SLC12A1: variants seen among roughly 807,000 people sequenced by gnomAD.
SLC12A1 encodes the protein Na-K-2Cl cotransporter.
In SLC12A1, 89 loss-of-function variants were observed where a neutral mutation model predicts 130.4. That is an observed-to-expected ratio of 0.68 (90% CI 0.58 to 0.81). The LOEUF is 0.81. Among genes scored for constraint, SLC12A1 ranks in the 40% least tolerant of loss-of-function variants. The pLI, the probability that SLC12A1 is intolerant of heterozygous loss-of-function variation, is 0.00. For missense variants in SLC12A1, 1,310 were observed against 1,336.4 expected, an observed-to-expected ratio of 0.98 and a Z score of 0.31; for synonymous variants, 499 against 460.0, an observed-to-expected ratio of 1.08 and a Z score of -1.09.
chr15:48,235,688 C>T (rs2041431811), intron 9 of SLC12A1, among the ~76,000 whole-genome samples: 1 of 151,768 alleles, frequency 6.6e-6, no homozygotes, highest in South Asian at 2.1e-4. Flanking sequence ...CTTGATAAGT[C>T]TTGATATACT....
intron 15 of SLC12A1, among the ~76,000 whole-genome samples, chr15:48,254,438 T>C (rs944211185): frequency 2.0e-5 from 3 of 151,832 alleles, no homozygotes; most frequent in African/African-American, 7.3e-5. Flanking sequence ...TGATCTTCTT[T>C]ATCTCCAGAT....
chr15:48,255,840 C>T lies in SLC12A1; in HGVS notation c.1972C>T (p.Leu658Phe), dbSNP rs1269306303. 1 of 1,608,386 alleles carries T rather than the reference C, an allele frequency of 6.2e-7. No homozygotes were observed. The highest frequency in any genetic ancestry group is 8.5e-7 in the Non-Finnish European group (1 of 1,177,326). The change falls in exon 16 of 27, where the codon CTT becomes TTT. Residue 658 changes from leucine (L) to phenylalanine (F), a missense_variant. Physicochemically the swap from Leu to Phe is conservative, Grantham distance 22. Coordinates refer to ENST00000380993, the MANE Select transcript of SLC12A1 (RefSeq NM_000338.3). ...GAACTGGGGCTCCTCCACACAGGCT[C>T]TTTCCTACGTGAGTGCTTTAGACAA... Reference protein sequence around the residue: ...DVNWGSSTQALSYVSALDNAL... With the variant: ...DVNWGSSTQAFSYVSALDNAL...
intron 2 of SLC12A1, among the ~76,000 whole-genome samples, chr15:48,216,551 C>CTG (rs1244047759): frequency 6.6e-6 from 1 of 152,060 alleles, no homozygotes; most frequent in Non-Finnish European, 1.5e-5. Context: ...GCAACTAAGG[C>CTG]TGTGTCTCTT....
At chr15:48,280,167 TAA>T (rs113028863) in intron 20 of SLC12A1, among the ~76,000 whole-genome samples, 2,481 of 125,636 alleles carry the variant, frequency 0.02, 38 homozygotes, top group Middle Eastern at 0.059. Context: ...AAAGATATCT[TAA>T]AAAAAAAAAA....
rs769457834 is a variant in SLC12A1, at chr15:48,259,264, G to A, written c.2107G>A (p.Ala703Thr). The A allele has an allele frequency of 3.2e-5, 51 of 1,613,714 alleles. No individual in the cohort carries two copies. The highest frequency in any genetic ancestry group is 3.3e-5 in the South Asian group (3 of 91,072). Residue 703 changes from alanine to threonine, a missense_variant, in exon 17 of 27, where the codon GCC becomes ACC. Coordinates refer to ENST00000380993, the MANE Select transcript of SLC12A1 (RefSeq NM_000338.3). ...ACCTGCTCTCCTGGACATAACTCAC[G>A]CCTTTACCAAGAACAGTGGCCTTTG... is the stretch of plus-strand genomic sequence containing the variant. Reference protein sequence around the residue: ...TRPALLDITHAFTKNSGLCIC... With the variant: ...TRPALLDITHTFTKNSGLCIC...
At chr15:48,222,061 G>A (rs761861437) in intron 4 of SLC12A1, among the ~76,000 whole-genome samples, 2 of 152,154 alleles carry the variant, frequency 1.3e-5, no homozygotes, top group Non-Finnish European at 2.9e-5. Flanking sequence ...TCCTGACAGA[G>A]GGCTGCTTGC....
intron 25 of SLC12A1, among the ~76,000 whole-genome samples, chr15:48,300,425 T>G (rs78741384): frequency 0.022 from 3,339 of 152,214 alleles, 123 homozygotes; most frequent in African/African-American, 0.077. Flanking sequence ...TGTGGGATTT[T>G]GGACAGTGAA....
chr15:48,263,482 CAT>C, intron 17 of SLC12A1, among the ~76,000 whole-genome samples: 1 of 152,120 alleles, frequency 6.6e-6, no homozygotes, highest in East Asian at 1.9e-4. Flanking sequence ...TAGGTTGAAT[CAT>C]ATAAAATTTG....
chr15:48,238,376 T>C (rs989509917), intron 9 of SLC12A1, among the ~76,000 whole-genome samples: 15 of 152,156 alleles, frequency 9.9e-5, no homozygotes, highest in African/African-American at 3.6e-4. Context: ...GATGAGTTAA[T>C]GCAGGTATGT....
rs202092762 is a variant in SLC12A1 at position 48,265,687 on chromosome 15, G to C, written c.2155-1874G>C. Among the ~76,000 whole-genome samples the C allele has an allele frequency of 3.3e-5, 5 of 152,154 alleles. No homozygotes were observed. In the East Asian group the frequency reaches 9.7e-4, roughly 29 times the overall value. On this transcript the variant is annotated intron_variant, in intron 17 of 26. Transcript: ENST00000380993. ...TTTTTAAATTTTCCTTTAATGGGAA[G>C]TCAACCAAACTGTTTTGAAAAGTTG...
At chr15:48,274,366 T>C (rs1248301146) in intron 19 of SLC12A1, among the ~76,000 whole-genome samples, 1 of 152,216 alleles carries the variant, frequency 6.6e-6, no homozygotes, top group African/African-American at 2.4e-5. Context: ...GTGAATAATT[T>C]AGTTACCTCT....
Position 48,246,920 on chromosome 15 carries a change from G to A in SLC12A1, c.1464G>A (p.Met488Ile). Reference protein sequence around the residue: ...GLMNNFQVMSMVSGFGPLITA... With the variant: ...GLMNNFQVMSIVSGFGPLITA... ...CCTCTCTTCTCAAGGTCATGAGCAT[G>A]GTATCAGGGTTCGGCCCCCTCATCA... The change falls in exon 12 of 27, where the codon ATG becomes ATA. Residue 488 changes from methionine (M) to isoleucine (I), a missense_variant. By Grantham distance (10) the Met-to-Ile change is conservative (BLOSUM62 1). Coordinates refer to ENST00000380993, the MANE Select transcript of SLC12A1 (RefSeq NM_000338.3). The A allele has an allele frequency of 6.2e-7, 1 of 1,613,096 alleles. No individual in the cohort carries two copies. Among genetic ancestry groups the A allele is most frequent in the Non-Finnish European group, 8.5e-7 (1 of 1,179,070 alleles).
At position 48,259,193 on chromosome 15, in the gene SLC12A1, C is replaced by A. The variant is rs777963025; in HGVS notation, c.2043-7C>A. ...GGCTCATTTTCACATCTTTTTTTTACTTCCAGGCCCCAGTGCATTGTCTTA... is the reference window on the plus strand; with the variant it reads ...GGCTCATTTTCACATCTTTTTTTTAATTCCAGGCCCCAGTGCATTGTCTTA... On this transcript the variant is annotated splice_polypyrimidine_tract_variant and splice_region_variant and intron_variant, in intron 16 of 26. Transcript: ENST00000380993. The A allele has an allele frequency of 6.3e-7, 1 of 1,578,698 alleles. No individual in the cohort carries two copies. The highest frequency in any genetic ancestry group is 2.2e-5 in the East Asian group (1 of 44,754).
chr15:48,256,831 C>CA (rs1555384128), intron 16 of SLC12A1, among the ~76,000 whole-genome samples: 14 of 148,084 alleles, frequency 9.5e-5, no homozygotes, highest in African/African-American at 3.0e-4. Context: ...GGCCCCCCCC[C>CA]CCAAATTTCT....
At chr15:48,296,550 A>T (rs1428373711) in intron 24 of SLC12A1, among the ~76,000 whole-genome samples, 1 of 152,250 alleles carries the variant, frequency 6.6e-6, no homozygotes, top group East Asian at 1.9e-4. Flanking sequence ...ATGCTAGAGT[A>T]GTCCCAGAAA....
chr15:48,235,158 T>A, intron 9 of SLC12A1, 154 bp downstream of exon 9: 2 of 828,878 alleles, frequency 2.4e-6, no homozygotes, highest in Non-Finnish European at 4.1e-6. Context: ...GTTCTCTCTT[T>A]TAATGCCAAA....
At chr15:48,254,649 C>T (rs1443488974) in intron 15 of SLC12A1, among the ~76,000 whole-genome samples, 3 of 141,364 alleles carry the variant, frequency 2.1e-5, no homozygotes, top group Non-Finnish European at 1.5e-5. Context: ...AGACCGGGCA[C>T]GGTGGCTCAC....
intron 8 of SLC12A1, 142 bp from the exon 9 acceptor site, chr15:48,234,735 A>G (rs1346056185): frequency 1.4e-6 from 1 of 697,700 alleles, no homozygotes; most frequent in East Asian, 3.0e-5. Context: ...CCTGGGCAAC[A>G]GAGTGAGACT....
intron 4 of SLC12A1, chr15:48,221,396 A>C (rs1043175369): frequency 1.4e-6 from 1 of 701,288 alleles, no homozygotes; most frequent in Non-Finnish European, 2.6e-6. Context: ...CTTGTGAGAA[A>C]ACTGGTGAAA....
Sources: gnomAD v4.1 joint callset for allele counts (sites outside exome capture counted in the v4.1 genomes callset) on GRCh38, gnomAD v4.1.1 for gene constraint, MANE v1.5 for transcripts, NCBI Gene and HGNC (gene_info 2026-07-23, HGNC 2026-07-21) for gene names.